The following MEI4 variants were observed in gnomAD, a reference collection of about 807,000 sequenced individuals.
MEI4 encodes meiosis-specific protein MEI4.
Under a neutral mutation model 31.4 loss-of-function variants are expected in MEI4, and 27 were observed. The observed-to-expected ratio is 0.86, with a 90% CI of 0.63 to 1.19. The LOEUF is 1.19. Ranked by LOEUF, MEI4 falls within the 50% of genes most tolerant of loss-of-function variation. The pLI is 0.00. For missense variants in MEI4, 329 were observed against 398.9 expected (o/e 0.82, Z 1.49); for synonymous variants, 122 against 145.4 (o/e 0.84, Z 1.16).
chr6:77,705,078 A>G (rs938466301), intron 2 of MEI4, among the ~76,000 whole-genome samples: 7 of 152,206 alleles, frequency 4.6e-5, no homozygotes, highest in African/African-American at 1.7e-4. Context: ...TATGTTTGAT[A>G]CTGTTTCATA....
chr6:77,690,863 ACTT>A lies in MEI4; in HGVS notation c.196_198del (p.Leu66del). On this transcript the variant is annotated inframe_deletion, in exon 2 of 5. Coordinates refer to ENST00000684080, the MANE Select transcript of MEI4 (RefSeq NM_001322247.2). The stretch of plus-strand genomic sequence containing the variant: ...CTGAAGTTATGCAATTACGTCAAAA[ACTT>A]CTTGTGAGCAGGCTTTGTTCAGGAT... 2 of 1,231,222 alleles carry A rather than the reference ACTT, an allele frequency of 1.6e-6. No individual in the cohort carries two copies. Among genetic ancestry groups the A allele is most frequent in the Non-Finnish European group, 2.0e-6 (2 of 987,278 alleles). 76.3% of individuals were successfully genotyped at this position (1,231,222 alleles called of 1,614,324 possible). A position where few individuals can be genotyped will look rare whatever the true frequency, so the allele number is the denominator to read the frequency against.
intron 2 of MEI4, among the ~76,000 whole-genome samples, chr6:77,695,657 G>A (rs1454952487): frequency 2.0e-5 from 3 of 152,114 alleles, no homozygotes; most frequent in Non-Finnish European, 4.4e-5. Context: ...TGCTGTTTTG[G>A]TTACTGTAGC....
chr6:77,849,202 T>G (rs1431747703), intron 4 of MEI4, among the ~76,000 whole-genome samples: 1 of 152,196 alleles, frequency 6.6e-6, no homozygotes, highest in Non-Finnish European at 1.5e-5. Context: ...GTATATTATT[T>G]AATATATTCA....
chr6:77,917,942 G>T (rs1490389232), intron 4 of MEI4, among the ~76,000 whole-genome samples: 1 of 150,456 alleles, frequency 6.6e-6, no homozygotes, highest in Non-Finnish European at 1.5e-5. Context: ...ATTGATTTTT[G>T]TATAAGGTGT....
intron 2 of MEI4, among the ~76,000 whole-genome samples, chr6:77,749,597 C>T (rs1457790701): frequency 3.3e-5 from 5 of 152,110 alleles, no homozygotes; most frequent in Non-Finnish European, 5.9e-5. Context: ...CAAACAAAGC[C>T]TCCAAGAAAT....
intron 1 of MEI4, among the ~76,000 whole-genome samples, chr6:77,686,455 A>G (rs1314334993): frequency 1.3e-5 from 2 of 151,142 alleles, no homozygotes; most frequent in Admixed American, 6.6e-5. Context: ...ATGTATCACT[A>G]TATTAATGTC....
At chr6:77,741,378 ACT>A (rs909106423) in intron 2 of MEI4, among the ~76,000 whole-genome samples, 20 of 151,960 alleles carry the variant, frequency 1.3e-4, no homozygotes, top group African/African-American at 4.6e-4. Flanking sequence ...TAGAAGGGTG[ACT>A]CTCTGATTGG....
At chr6:77,824,427 A>G (rs560835782) in intron 3 of MEI4, among the ~76,000 whole-genome samples, 3 of 152,288 alleles carry the variant, frequency 2.0e-5, no homozygotes, top group Middle Eastern at 3.4e-3. Flanking sequence ...TACTCTCTTT[A>G]AAGTATGGGT....
chr6:77,752,353 T>G (rs1488161216), intron 2 of MEI4, among the ~76,000 whole-genome samples: 1 of 152,168 alleles, frequency 6.6e-6, no homozygotes, highest in Non-Finnish European at 1.5e-5. Context: ...ATGACGTGAT[T>G]GTATATTTAG....
At chr6:77,708,138 CCT>C (rs2127658900) in intron 2 of MEI4, among the ~76,000 whole-genome samples, 1 of 152,308 alleles carries the variant, frequency 6.6e-6, no homozygotes, top group Non-Finnish European at 1.5e-5. Flanking sequence ...CAACGTGCAC[CCT>C]GAGCCTGGAA....
At chr6:77,809,878 G>T (rs1406022920) in intron 3 of MEI4, among the ~76,000 whole-genome samples, 1 of 152,090 alleles carries the variant, frequency 6.6e-6, no homozygotes, top group African/African-American at 2.4e-5. Context: ...TAAATTATTT[G>T]TGTTTCTTGT....
chr6:77,814,570 T>C (rs1769647761), intron 3 of MEI4, among the ~76,000 whole-genome samples: 1 of 152,136 alleles, frequency 6.6e-6, no homozygotes, highest in Admixed American at 6.6e-5. Flanking sequence ...AGGAAAGCAT[T>C]AAGCTGAAAG....
chr6:77,837,830 TAA>T (rs1459083199), intron 4 of MEI4, among the ~76,000 whole-genome samples: 2 of 152,208 alleles, frequency 1.3e-5, no homozygotes, highest in African/African-American at 4.8e-5. Flanking sequence ...AAAACTTTGA[TAA>T]TATTATTTTA....
intron 2 of MEI4, among the ~76,000 whole-genome samples, chr6:77,692,473 A>T (rs1769175481): frequency 6.6e-6 from 1 of 151,978 alleles, no homozygotes; most frequent in African/African-American, 2.4e-5. Context: ...AACATAGAGG[A>T]TGTTTTGGCT....
chr6:77,693,101 A>G (rs1293151189), intron 2 of MEI4, among the ~76,000 whole-genome samples: 1 of 152,002 alleles, frequency 6.6e-6, no homozygotes, highest in African/African-American at 2.4e-5. Context: ...AGTTTTGGGA[A>G]TTATCATGAA....
intron 2 of MEI4, among the ~76,000 whole-genome samples, chr6:77,756,830 A>G (rs1767931241): frequency 6.6e-6 from 1 of 152,168 alleles, no homozygotes; most frequent in African/African-American, 2.4e-5. Context: ...TATAGCCCAC[A>G]GCAAGTTTCA....
intron 4 of MEI4, among the ~76,000 whole-genome samples, chr6:77,912,890 G>C (rs7749395): frequency 0.83 from 125,613 of 152,094 alleles, 52,385 homozygotes; most frequent in East Asian, 0.95. Flanking sequence ...TGTTCCAGTA[G>C]CAAGAGGAAA....
chr6:77,680,408 G>A (rs772352359), intron 1 of MEI4, among the ~76,000 whole-genome samples: 3 of 152,148 alleles, frequency 2.0e-5, no homozygotes, highest in Non-Finnish European at 2.9e-5. Flanking sequence ...GTGGAGAAGA[G>A]CAACTTCTGT....
intron 4 of MEI4, among the ~76,000 whole-genome samples, chr6:77,831,374 A>G (rs890423524): frequency 3.3e-5 from 5 of 151,910 alleles, no homozygotes; most frequent in African/African-American, 1.2e-4. Flanking sequence ...TAGAACTACC[A>G]TATGATCCAA....
Sources: gnomAD v4.1 joint callset for allele counts (sites outside exome capture counted in the v4.1 genomes callset) on GRCh38, gnomAD v4.1.1 for gene constraint, MANE v1.5 for transcripts, NCBI Gene and HGNC (gene_info 2026-07-23, HGNC 2026-07-21) for gene names.